SLC9A4: variants seen among roughly 807,000 people sequenced by gnomAD.
SLC9A4 encodes sodium/hydrogen exchanger 4.
Under a neutral mutation model 67.4 loss-of-function variants are expected in SLC9A4, and 63 were observed. The ratio of observed to expected loss-of-function variants is 0.93; its 90% CI spans 0.76 to 1.15. The LOEUF (loss-of-function observed/expected upper bound fraction) is 1.15. SLC9A4 is among the 50% of genes most tolerant of loss of function. The probability of loss-of-function intolerance (pLI) is 0.00; values close to 1 mark genes in which losing one functional copy is unlikely to be tolerated. For synonymous variants in SLC9A4, 393 were observed against 367.2 expected (o/e 1.07, Z -0.80); for missense variants, 1,089 against 987.7 (o/e 1.10, Z -1.38).
At chr2:102,527,593 T>C (rs1411683204) in intron 11 of SLC9A4, among the ~76,000 whole-genome samples, 1 of 152,188 alleles carries the variant, frequency 6.6e-6, no homozygotes, top group Non-Finnish European at 1.5e-5. Flanking sequence ...TAGTATATTT[T>C]CCTAGAAGTA....
At chr2:102,527,098 A>G (rs991425078) in intron 11 of SLC9A4, among the ~76,000 whole-genome samples, 1 of 152,236 alleles carries the variant, frequency 6.6e-6, no homozygotes, top group African/African-American at 2.4e-5. Flanking sequence ...TTAAAAACAT[A>G]CTTGATACAA....
chr2:102,493,787 T>C (rs1335081512), intron 2 of SLC9A4, among the ~76,000 whole-genome samples: 1 of 151,922 alleles, frequency 6.6e-6, no homozygotes, highest in African/African-American at 2.4e-5. Flanking sequence ...TCCCTTAATC[T>C]ATCTCATTGT....
rs1426938318 is a variant in SLC9A4, at chr2:102,532,363, T to C, written c.2072T>C (p.Ile691Thr). ...DDSSDPGSPS[I>T]TFSACSRIGS... ...AGCAGTGATCCAGGATCCCCATCCA[T>C]CACGTTCAGCGCATGCTCTCGGATA... Residue 691 changes from isoleucine to threonine, a missense_variant, in exon 12 of 12, where the codon ATC becomes ACC. Coordinates refer to ENST00000295269, the MANE Select transcript of SLC9A4 (RefSeq NM_001011552.4). 1.9e-6 allele frequency: 3 copies of C among 1,613,980 alleles called. No individual in the cohort carries two copies. The highest frequency in any genetic ancestry group is 1.3e-5 in the African/African-American group (1 of 75,018).
chr2:102,525,192 G>T lies in SLC9A4; in HGVS notation c.1950+37G>T, dbSNP rs1024798. 2.5e-6 allele frequency: 4 copies of T among 1,612,406 alleles called. No individual in the cohort carries two copies. The African/African-American group carries it at 4.0e-5, about 16-fold the overall frequency. ...CTGGGGACTGGGACATTCCTTCAGT[G>T]TGCAAGTGTTTGTCATCTGCTGAGC... is the stretch of plus-strand genomic sequence containing the variant. On this transcript the variant is annotated intron_variant, in intron 10 of 11. Transcript: ENST00000295269.
chr2:102,480,899 TG>T (rs1475778683), intron 2 of SLC9A4, among the ~76,000 whole-genome samples: 1 of 152,140 alleles, frequency 6.6e-6, no homozygotes, highest in Non-Finnish European at 1.5e-5. Context: ...AGGCTGCGCT[TG>T]GGAACGGAAT....
intron 8 of SLC9A4, among the ~76,000 whole-genome samples, chr2:102,514,542 T>C (rs777023390): frequency 1.3e-5 from 2 of 152,246 alleles, no homozygotes; most frequent in African/African-American, 2.4e-5. Context: ...CAGCATATTT[T>C]ACAAGACTGT....
chr2:102,522,978 C>G (rs144316406), intron 9 of SLC9A4, among the ~76,000 whole-genome samples: 1 of 151,960 alleles, frequency 6.6e-6, no homozygotes, highest in Non-Finnish European at 1.5e-5. Context: ...TTTCTTTTCC[C>G]TTGGAGACAG....
At chr2:102,516,309 G>T (rs1685276724) in intron 8 of SLC9A4, among the ~76,000 whole-genome samples, 1 of 152,044 alleles carries the variant, frequency 6.6e-6, no homozygotes, top group Non-Finnish European at 1.5e-5. Flanking sequence ...GGGTGGGAGA[G>T]ATTTTTTAAA....
chr2:102,477,239 C>T (rs1369627166), intron 1 of SLC9A4, among the ~76,000 whole-genome samples: 2 of 152,176 alleles, frequency 1.3e-5, no homozygotes, highest in Non-Finnish European at 2.9e-5. Flanking sequence ...AGGTGGATCC[C>T]CTCAATGAAT....
At position 102,532,423 on chromosome 2, in the gene SLC9A4, T is replaced by G; in HGVS notation, c.2132T>G (p.Ile711Arg). 1 of 1,614,142 alleles carries G rather than the reference T, an allele frequency of 6.2e-7. No homozygotes were observed. The highest frequency in any genetic ancestry group is 1.1e-5 in the South Asian group (1 of 91,078). Reference sequence around the variant, plus strand: ...CAGAAGCAAGAGGCACAAGAAATAATACCAATGAAGAGCCTACACAGAGGA... The same window carrying G: ...CAGAAGCAAGAGGCACAAGAAATAAGACCAATGAAGAGCCTACACAGAGGA... ...SLQKQEAQEI[I>R]PMKSLHRGRK... The change falls in exon 12 of 12, where the codon ATA becomes AGA. Residue 711 changes from isoleucine (I) to arginine (R), a missense_variant. By Grantham distance (97) the Ile-to-Arg change is moderately conservative. Coordinates refer to ENST00000295269, the MANE Select transcript of SLC9A4 (RefSeq NM_001011552.4).
At chr2:102,516,511 G>A (rs1401928072) in intron 8 of SLC9A4, among the ~76,000 whole-genome samples, 1 of 152,140 alleles carries the variant, frequency 6.6e-6, no homozygotes. Flanking sequence ...TGTATGAGAT[G>A]ATAACAACAA....
Position 102,503,675 on chromosome 2 carries a change from T to A in SLC9A4, c.948T>A (p.Ala316=). Residue 316 remains alanine, a synonymous_variant, in exon 3 of 12, where the codon GCT becomes GCA. Transcript: ENST00000295269. ...TGTTCAGCTATTTGTCTTACTTAGC[T>A]GCTGAAACCCTCTATCTCTCCGGCA... ...VFMFSYLSYL[A]AETLYLSGIL... 1.2e-6 allele frequency: 2 copies of A among 1,614,228 alleles called. No individual in the cohort carries two copies. Among genetic ancestry groups the A allele is most frequent in the Non-Finnish European group, 1.7e-6 (2 of 1,180,032 alleles).
chr2:102,479,436 G>A, intron 2 of SLC9A4, 134 bp downstream of exon 2: 1 of 912,764 alleles, frequency 1.1e-6, no homozygotes, highest in South Asian at 1.7e-5. Flanking sequence ...CCCATGCGGT[G>A]TGGTCCGAGT....
At position 102,482,791 on chromosome 2, in the gene SLC9A4, C is replaced by G. The variant is rs376884890; in HGVS notation, c.720+3489C>G. Among the ~76,000 whole-genome samples, 17 of 152,322 alleles carry G rather than the reference C, an allele frequency of 1.1e-4. No individual in the cohort carries two copies. In the South Asian group the frequency reaches 1.5e-3, roughly 13 times the overall value. ...CTCCTTCATAAATTATTACAGAGGTCAAGATACTACTGGATAAATGCCATC... is the reference window on the plus strand; with the variant it reads ...CTCCTTCATAAATTATTACAGAGGTGAAGATACTACTGGATAAATGCCATC... On this transcript the variant is annotated intron_variant, in intron 2 of 11. Coordinates refer to ENST00000295269, the MANE Select transcript of SLC9A4 (RefSeq NM_001011552.4).
In SLC9A4 at chr2:102,473,747, G is replaced by A. The variant is rs758738818; in HGVS notation, c.-13G>A. On this transcript the variant is annotated 5_prime_UTR_variant, in exon 1 of 12. Transcript: ENST00000295269. ...CATCCACACAGGGGTGTAGGTAGGA[G>A]AAGCCCACAGGAATGGCTCTGCAGA... The A allele has an allele frequency of 3.6e-5, 58 of 1,613,078 alleles. No homozygotes were observed. In the East Asian group the frequency reaches 5.1e-4, roughly 14 times the overall value.
intron 4 of SLC9A4, chr2:102,505,703 T>C (rs975306400): frequency 2.5e-5 from 11 of 440,122 alleles, no homozygotes; most frequent in Non-Finnish European, 4.4e-5. Context: ...GGGCAAGGAG[T>C]ACTTTTTTTT....
At chr2:102,504,922 A>C (rs1685016790) in intron 3 of SLC9A4, among the ~76,000 whole-genome samples, 1 of 131,332 alleles carries the variant, frequency 7.6e-6, no homozygotes, top group South Asian at 2.5e-4. Flanking sequence ...AGTAACGCAG[A>C]GAGTGTGAGT....
intron 4 of SLC9A4, among the ~76,000 whole-genome samples, chr2:102,507,551 C>T (rs758180635): frequency 6.6e-6 from 1 of 152,066 alleles, no homozygotes; most frequent in Non-Finnish European, 1.5e-5. Context: ...CAACTTCCTT[C>T]TTTGCTTGCA....
chr2:102,498,389 G>C (rs945979188), intron 2 of SLC9A4, among the ~76,000 whole-genome samples: 2 of 152,346 alleles, frequency 1.3e-5, no homozygotes, highest in Non-Finnish European at 2.9e-5. Flanking sequence ...ACTTTCCCAG[G>C]CCATTGGGAC....
Sources: gnomAD v4.1 joint callset for allele counts (sites outside exome capture counted in the v4.1 genomes callset) on GRCh38, gnomAD v4.1.1 for gene constraint, MANE v1.5 for transcripts, NCBI Gene and HGNC (gene_info 2026-07-23, HGNC 2026-07-21) for gene names.